The following PRRX1 variants were observed in gnomAD, a reference collection of about 807,000 sequenced individuals.
PRRX1 encodes paired related homeobox 1, also known as paired mesoderm homeobox protein 1.
PRRX1 carries 8 observed loss-of-function variants against 24.0 expected under a neutral mutation model. The observed-to-expected ratio is 0.33, with a 90% CI of 0.20 to 0.60. PRRX1 has a LOEUF of 0.60. Among genes scored for constraint, PRRX1 ranks in the 20% least tolerant of loss-of-function variants. The pLI is 0.82. For missense variants in PRRX1, 281 were observed against 322.4 expected, an observed-to-expected ratio of 0.87 and a Z score of 0.98; for synonymous variants, 160 against 131.7, an observed-to-expected ratio of 1.22 and a Z score of -1.47.
chr1:170,698,819 G>A (rs1654257405), intron 1 of PRRX1, among the ~76,000 whole-genome samples: 1 of 152,162 alleles, frequency 6.6e-6, no homozygotes, highest in South Asian at 2.1e-4. Flanking sequence ...GACGAGGGCT[G>A]GAGATAGGAG....
intron 3 of PRRX1, chr1:170,730,080 T>G (rs963877400): frequency 3.0e-6 from 2 of 663,266 alleles, no homozygotes; most frequent in East Asian, 5.1e-5. Flanking sequence ...TTTGCATTAT[T>G]TACCTGAAGT....
At chr1:170,668,466 A>T (rs1278037044) in intron 1 of PRRX1, 1 of 152,258 alleles carries the variant, frequency 6.6e-6, no homozygotes, top group African/African-American at 2.4e-5. Flanking sequence ...ACACGCACAC[A>T]TTCACAAGCC....
At chr1:170,675,795 G>A (rs1653302821) in intron 1 of PRRX1, among the ~76,000 whole-genome samples, 1 of 152,090 alleles carries the variant, frequency 6.6e-6, no homozygotes, top group African/African-American at 2.4e-5. Flanking sequence ...TTTATTTAGG[G>A]AAAGTATTAA....
intron 2 of PRRX1, among the ~76,000 whole-genome samples, chr1:170,724,053 A>G (rs576121968): frequency 1.3e-5 from 2 of 152,360 alleles, no homozygotes; most frequent in East Asian, 3.9e-4. Flanking sequence ...ACTAGAAATA[A>G]TGTATGTAGT....
intron 1 of PRRX1, among the ~76,000 whole-genome samples, chr1:170,670,640 T>C (rs1653113560): frequency 6.6e-6 from 1 of 152,080 alleles, no homozygotes; most frequent in South Asian, 2.1e-4. Context: ...ATTTTTAACT[T>C]TAAGATTAAA....
chr1:170,736,235 A>G lies in PRRX1; in HGVS notation c.*49A>G, dbSNP rs1477786066. 6.2e-7 allele frequency: 1 copy of G among 1,605,378 alleles called. No homozygotes were observed. Among genetic ancestry groups the G allele is most frequent in the South Asian group, 1.1e-5 (1 of 90,794 alleles). On this transcript the variant is annotated 3_prime_UTR_variant, in exon 4 of 4. Coordinates refer to ENST00000239461, the MANE Select transcript of PRRX1 (RefSeq NM_022716.4). ...CTAAGAAGAAATCAAAAACCATAAG[A>G]CACCTATCCTGCTCTGTTATTTCTT...
chr1:170,679,463 A>G (rs1424352862), intron 1 of PRRX1, among the ~76,000 whole-genome samples: 2 of 152,086 alleles, frequency 1.3e-5, no homozygotes, highest in African/African-American at 4.8e-5. Context: ...GCAGTGGCAC[A>G]ATTTCGGCTC....
At position 170,671,759 on chromosome 1, in the gene PRRX1, A is replaced by C. The variant is rs1478800664; in HGVS notation, c.241+7300A>C. On this transcript the variant is annotated intron_variant, in intron 1 of 3. Transcript: ENST00000239461. ...TTCAAATGAGGGTGGTCGGGGTTCC[A>C]GGGTGGCAGGAGGGGAGTGGGGCCA... 5.9e-5 allele frequency among the ~76,000 whole-genome samples: 9 copies of C among 152,158 alleles called. 1 individual carries two copies. The highest frequency in any genetic ancestry group is 5.9e-4 in the Admixed American group (9 of 15,282).
At position 170,736,168 on chromosome 1, in the gene PRRX1, G is replaced by A. The variant is rs778365686; in HGVS notation, c.720G>A (p.Gln240=). The part of the protein sequence containing the change: ...KAKEYSLQRN[Q]VPTVN Reference sequence around the variant, plus strand: ...AGGAATATAGTTTACAGAGGAACCAGGTGCCAACAGTCAACTGAGGAAAAA... The same window carrying A: ...AGGAATATAGTTTACAGAGGAACCAAGTGCCAACAGTCAACTGAGGAAAAA... Residue 240 remains glutamine (Q), a synonymous_variant, in exon 4 of 4, where the codon CAG becomes CAA. Coordinates refer to ENST00000239461, the MANE Select transcript of PRRX1 (RefSeq NM_022716.4). 1.2e-6 allele frequency: 2 copies of A among 1,614,104 alleles called. No individual in the cohort carries two copies. Among genetic ancestry groups the A allele is most frequent in the South Asian group, 2.2e-5 (2 of 91,074 alleles).
chr1:170,687,871 C>T (rs183391947), intron 1 of PRRX1, among the ~76,000 whole-genome samples: 32 of 152,198 alleles, frequency 2.1e-4, no homozygotes, highest in African/African-American at 7.7e-4. Flanking sequence ...AATATATAGT[C>T]TCAGGAGACA....
chr1:170,688,976 A>G (rs1171592630), intron 1 of PRRX1, among the ~76,000 whole-genome samples: 1 of 152,140 alleles, frequency 6.6e-6, no homozygotes, highest in Non-Finnish European at 1.5e-5. Context: ...TACATTAGAA[A>G]TCAATAGCAT....
chr1:170,715,779 T>C (rs1435598174), intron 1 of PRRX1, among the ~76,000 whole-genome samples: 1 of 152,260 alleles, frequency 6.6e-6, no homozygotes, highest in Non-Finnish European at 1.5e-5. Context: ...ATGGCTATTC[T>C]GGTAGAAAGG....
chr1:170,707,901 G>A (rs1377710038), intron 1 of PRRX1, among the ~76,000 whole-genome samples: 2 of 152,152 alleles, frequency 1.3e-5, no homozygotes, highest in Non-Finnish European at 2.9e-5. Context: ...AAGGTTATAT[G>A]AGGAAATATA....
Position 170,738,449 on chromosome 1 carries a change from T to C in PRRX1, c.*2263T>C, listed in dbSNP as rs115848619. ...CACTATTAAAACATTTCTTACTGAATGGTTCATGTAGGCTTGCTGAACAGC... is the reference window on the plus strand; with the variant it reads ...CACTATTAAAACATTTCTTACTGAACGGTTCATGTAGGCTTGCTGAACAGC... On this transcript the variant is annotated 3_prime_UTR_variant, in exon 4 of 4. Coordinates refer to ENST00000239461, the MANE Select transcript of PRRX1 (RefSeq NM_022716.4). 1.6e-3 allele frequency: 374 copies of C among 228,346 alleles called. 1 individual carries two copies. Among genetic ancestry groups the C allele is most frequent in the African/African-American group, 7.9e-3 (358 of 45,192 alleles). 14.1% of individuals were successfully genotyped at this position (228,346 alleles called of 1,614,324 possible).
At chr1:170,708,418 T>C (rs1654641065) in intron 1 of PRRX1, among the ~76,000 whole-genome samples, 1 of 152,150 alleles carries the variant, frequency 6.6e-6, no homozygotes, top group African/African-American at 2.4e-5. Flanking sequence ...TAATTAAGGC[T>C]TAGGTGTGGT....
At chr1:170,684,490 T>G (rs576874074) in intron 1 of PRRX1, among the ~76,000 whole-genome samples, 269 of 152,356 alleles carry the variant, frequency 1.8e-3, no homozygotes, top group African/African-American at 5.7e-3. Flanking sequence ...GGATGGCTCA[T>G]GCCTGTAATC....
chr1:170,678,318 A>C (rs895898784), intron 1 of PRRX1, among the ~76,000 whole-genome samples: 1 of 152,226 alleles, frequency 6.6e-6, no homozygotes, highest in Non-Finnish European at 1.5e-5. Context: ...CAACAATTAA[A>C]TCTCTCTGGC....
At chr1:170,690,477 C>T (rs960785165) in intron 1 of PRRX1, among the ~76,000 whole-genome samples, 16 of 151,980 alleles carry the variant, frequency 1.1e-4, no homozygotes, top group African/African-American at 2.9e-4. Flanking sequence ...TCCTTTGAAC[C>T]CTTCAGGTGT....
At chr1:170,668,478 G>A (rs1434932771) in intron 1 of PRRX1, 2 of 152,252 alleles carry the variant, frequency 1.3e-5, no homozygotes, top group Non-Finnish European at 2.9e-5. Context: ...TCACAAGCCG[G>A]TGCTAAGTGT....
Sources: allele counts gnomAD v4.1 joint callset (sites outside exome capture counted in the v4.1 genomes callset), GRCh38; gene constraint gnomAD v4.1.1; transcripts MANE v1.5; gene names NCBI Gene and HGNC (gene_info 2026-07-23, HGNC 2026-07-21).